KLHL22: variants seen among roughly 807,000 people sequenced by gnomAD.
KLHL22 encodes kelch like family member 22, also known as kelch-like protein 22.
A neutral mutation model predicts 60.7 loss-of-function variants in KLHL22; 18 were observed. The observed-to-expected ratio is 0.30, with a 90% CI of 0.20 to 0.44. The LOEUF (loss-of-function observed/expected upper bound fraction) is 0.44. Ranked by LOEUF, KLHL22 falls within the 20% of genes least tolerant of loss-of-function variation. The pLI, the probability that KLHL22 is intolerant of heterozygous loss-of-function variation, is 1.00. For synonymous variants in KLHL22, 355 were observed against 354.5 expected, an observed-to-expected ratio of 1.00 and a Z score of -0.01; for missense variants, 596 against 852.3, an observed-to-expected ratio of 0.70 and a Z score of 3.74.
intron 5 of KLHL22, among the ~76,000 whole-genome samples, chr22:20,448,364 T>C (rs2052913262): frequency 6.6e-6 from 1 of 152,170 alleles, no homozygotes; most frequent in African/African-American, 2.4e-5. Context: ...AAATCTGAAA[T>C]CCAAAACACT....
chr22:20,484,414 C>T (rs1022029421), intron 2 of KLHL22, among the ~76,000 whole-genome samples: 8 of 152,144 alleles, frequency 5.3e-5, no homozygotes, highest in Admixed American at 2.6e-4. Context: ...TGAGCCTCAC[C>T]CTCCTGAGTA....
At chr22:20,460,490 T>C (rs1187179636) in intron 4 of KLHL22, among the ~76,000 whole-genome samples, 1 of 151,740 alleles carries the variant, frequency 6.6e-6, no homozygotes, top group African/African-American at 2.4e-5. Flanking sequence ...GTGGCTGTAG[T>C]TCCAGCTACT....
intron 5 of KLHL22, 34 bp downstream of exon 5, chr22:20,457,774 G>T (rs1378631272): frequency 6.6e-7 from 1 of 1,515,172 alleles, no homozygotes; most frequent in East Asian, 2.4e-5. Context: ...AGGAAATTAG[G>T]CAGGAGAAGG....
At chr22:20,494,231 C>T (rs1018002590) in intron 1 of KLHL22, among the ~76,000 whole-genome samples, 3 of 152,150 alleles carry the variant, frequency 2.0e-5, no homozygotes, top group African/African-American at 7.2e-5. Context: ...ATTAACTAGG[C>T]ATGGTGGTGT....
At chr22:20,452,121 C>T (rs1432203362) in intron 5 of KLHL22, among the ~76,000 whole-genome samples, 4 of 151,886 alleles carry the variant, frequency 2.6e-5, no homozygotes, top group East Asian at 1.9e-4. Context: ...TAACTTACCA[C>T]GTGCTTGGTG....
Position 20,442,243 on chromosome 22 carries a change from G to C in KLHL22, c.1735C>G (p.Leu579Val), listed in dbSNP as rs1473176282. 1 of 1,612,336 alleles carries C rather than the reference G, an allele frequency of 6.2e-7. No individual in the cohort carries two copies. The highest frequency in any genetic ancestry group is 8.5e-7 in the Non-Finnish European group (1 of 1,179,216). Residue 579 changes from leucine (L) to valine (V), a missense_variant, in exon 7 of 7, where the codon CTG (leucine) becomes GTG (valine). Leu to Val is a conservative substitution (Grantham distance 32, BLOSUM62 1). Coordinates refer to ENST00000328879, the MANE Select transcript of KLHL22 (RefSeq NM_032775.4). ...EKDCWEEGPQ[L>V]DNSISGLAAC... ...GCCAGGCCTGAGATGGAGTTGTCCA[G>C]CTGGGGCCCTTCCTCCCAGCAGTCC...
At chr22:20,483,459 G>A in intron 2 of KLHL22, 7 of 763,108 alleles carry the variant, frequency 9.2e-6, no homozygotes, top group Non-Finnish European at 1.4e-5. Context: ...CCTCTTCATG[G>A]TTCTTCTTCA....
intron 4 of KLHL22, among the ~76,000 whole-genome samples, chr22:20,462,138 G>A (rs1453434848): frequency 1.3e-5 from 2 of 151,274 alleles, no homozygotes; most frequent in Admixed American, 6.6e-5. Context: ...TTAGCTGGGC[G>A]TGGTGGTCGG....
chr22:20,464,605 G>A (rs1056563046), intron 4 of KLHL22, among the ~76,000 whole-genome samples: 1 of 152,150 alleles, frequency 6.6e-6, no homozygotes, highest in Non-Finnish European at 1.5e-5. Context: ...CTACCCCAAA[G>A]AGGCTGAGCA....
intron 2 of KLHL22, among the ~76,000 whole-genome samples, chr22:20,484,605 T>C (rs561305461): frequency 6.6e-6 from 1 of 152,212 alleles, no homozygotes; most frequent in East Asian, 1.9e-4. Flanking sequence ...CTAATTTTTG[T>C]ATTTTTTGTA....
chr22:20,475,085 A>G (rs1373820646), intron 2 of KLHL22: 1 of 151,904 alleles, frequency 6.6e-6, no homozygotes, highest in Admixed American at 6.6e-5. Flanking sequence ...TTTCTGTTAG[A>G]CTGTCTTATC....
At chr22:20,457,028 T>TAGG (rs2053073981) in intron 5 of KLHL22, among the ~76,000 whole-genome samples, 1 of 135,212 alleles carries the variant, frequency 7.4e-6, no homozygotes, top group Non-Finnish European at 1.6e-5. Context: ...GGTGCCCTGC[T>TAGG]AGGGTACCCC....
chr22:20,462,964 C>A (rs1340099855), intron 4 of KLHL22, among the ~76,000 whole-genome samples: 1 of 152,158 alleles, frequency 6.6e-6, no homozygotes, highest in Non-Finnish European at 1.5e-5. Flanking sequence ...ACTGCAAAAT[C>A]TTGTTTCCTT....
chr22:20,483,580 T>C, intron 2 of KLHL22: 1 of 727,000 alleles, frequency 1.4e-6, no homozygotes, highest in Non-Finnish European at 2.5e-6. Context: ...CTCCACAGAC[T>C]AGTGCATGGG....
intron 5 of KLHL22, chr22:20,451,566 T>C: frequency 6.3e-7 from 1 of 1,596,760 alleles, no homozygotes; most frequent in Non-Finnish European, 8.6e-7. Context: ...GATTTGATGG[T>C]ACAGCCCACC....
In KLHL22 at chr22:20,467,201, C is replaced by G. The variant is rs544498025; in HGVS notation, c.394-1625G>C. ...TGCAGGTTCTCCCAGCAGGCTTGAA[C>G]CCAAACCAGGCCCTTGAACATTCCC... is the stretch of plus-strand genomic sequence containing the variant. On this transcript the variant is annotated intron_variant, in intron 3 of 6. Transcript: ENST00000328879. Among the ~76,000 whole-genome samples the G allele has an allele frequency of 3.3e-5, 5 of 152,302 alleles. No homozygotes were observed. The East Asian group carries it at 5.8e-4, about 18-fold the overall frequency.
At chr22:20,487,585 T>C (rs2053607299) in intron 2 of KLHL22, among the ~76,000 whole-genome samples, 1 of 152,008 alleles carries the variant, frequency 6.6e-6, no homozygotes, top group East Asian at 1.9e-4. Context: ...GCTCTTCCAA[T>C]AATGTTGCCA....
At chr22:20,483,807 C>G in intron 2 of KLHL22, 3 of 743,538 alleles carry the variant, frequency 4.0e-6, no homozygotes, top group Non-Finnish European at 7.4e-6. Flanking sequence ...GGTCTCCAGG[C>G]TCCTCGCTCT....
chr22:20,465,377 G>A lies in KLHL22; in HGVS notation c.593C>T (p.Ser198Phe). ...YRQLPLEKVY[S>F]LLSSNRLEVS... ...CTCCAGGCGATTGCTGCTGAGGAGG[G>A]AGTAGACCTTCTCCAATGGAAGCTG... The change falls in exon 4 of 7, where the codon TCC (serine) becomes TTC (phenylalanine). Residue 198 changes from serine (S) to phenylalanine (F), a missense_variant. Coordinates refer to ENST00000328879, the MANE Select transcript of KLHL22 (RefSeq NM_032775.4). This position sits in a 1 kb window ranked among gnomAD's most constrained non-coding sequence, Gnocchi z 4.9. The A allele has an allele frequency of 2.5e-6, 4 of 1,614,138 alleles. No individual in the cohort carries two copies. Among genetic ancestry groups the A allele is most frequent in the Non-Finnish European group, 3.4e-6 (4 of 1,179,990 alleles).
Sources: gnomAD v4.1 joint callset for allele counts (sites outside exome capture counted in the v4.1 genomes callset) on GRCh38, gnomAD v4.1.1 for gene constraint, Gnocchi (gnomAD v3.1) non-coding constraint, MANE v1.5 for transcripts, NCBI Gene and HGNC (gene_info 2026-07-23, HGNC 2026-07-21) for gene names.